SLC24A4: variants seen among roughly 807,000 people sequenced by gnomAD.
SLC24A4 encodes solute carrier family 24 member 4.
SLC24A4 carries 53 observed loss-of-function variants against 79.0 expected under a neutral mutation model. The ratio of observed to expected loss-of-function variants is 0.67; its 90% CI spans 0.54 to 0.84. SLC24A4 has a LOEUF of 0.84. Ranked by LOEUF, SLC24A4 falls within the 40% of genes least tolerant of loss-of-function variation. SLC24A4 has a pLI of 0.00. For missense variants in SLC24A4, 731 were observed against 822.0 expected, an observed-to-expected ratio of 0.89 and a Z score of 1.35; for synonymous variants, 323 against 323.8, an observed-to-expected ratio of 1.00 and a Z score of 0.03.
At chr14:92,415,068 G>A (rs1749592475) in intron 2 of SLC24A4, among the ~76,000 whole-genome samples, 4 of 152,272 alleles carry the variant, frequency 2.6e-5, no homozygotes, top group African/African-American at 9.6e-5. Flanking sequence ...GAAAGGCGAC[G>A]GTTCACCTCG....
At chr14:92,439,456 G>A in intron 4 of SLC24A4, 47 bp downstream of exon 4, 1 of 1,562,498 alleles carries the variant, frequency 6.4e-7, no homozygotes, top group Non-Finnish European at 8.8e-7. Context: ...TTGAAGACAT[G>A]TGGGACATAA....
intron 2 of SLC24A4, among the ~76,000 whole-genome samples, chr14:92,351,893 G>C (rs1381462038): frequency 7.2e-6 from 1 of 139,386 alleles, no homozygotes. Flanking sequence ...AAGAAGGAAG[G>C]AAGGAAAGGA....
At chr14:92,455,806 T>C (rs974078363) in intron 11 of SLC24A4, among the ~76,000 whole-genome samples, 10 of 152,130 alleles carry the variant, frequency 6.6e-5, no homozygotes, top group African/African-American at 2.4e-4. Context: ...GTTCAAGCGA[T>C]TCTCCTGCCT....
At chr14:92,326,389 C>T (rs1885135271) in intron 2 of SLC24A4, among the ~76,000 whole-genome samples, 1 of 152,164 alleles carries the variant, frequency 6.6e-6, no homozygotes, top group Non-Finnish European at 1.5e-5. Context: ...GGTGGCCCAC[C>T]AGGGTCTCAG....
intron 2 of SLC24A4, among the ~76,000 whole-genome samples, chr14:92,421,682 A>G (rs1891289490): frequency 6.6e-6 from 1 of 151,880 alleles, no homozygotes; most frequent in Non-Finnish European, 1.5e-5. Flanking sequence ...TAATTTTTAT[A>G]TTTTTAGTAG....
intron 2 of SLC24A4, among the ~76,000 whole-genome samples, chr14:92,429,540 G>C (rs10148398): frequency 0.03 from 4,613 of 152,292 alleles, 192 homozygotes; most frequent in African/African-American, 0.098. Context: ...CCTCTGTATG[G>C]GTGAATTCTG....
At chr14:92,340,162 T>C (rs1886043943) in intron 2 of SLC24A4, among the ~76,000 whole-genome samples, 1 of 152,226 alleles carries the variant, frequency 6.6e-6, no homozygotes, top group African/African-American at 2.4e-5. Context: ...GTGGCTGGCT[T>C]ATATTGTATA....
intron 12 of SLC24A4, among the ~76,000 whole-genome samples, chr14:92,459,558 T>C (rs893686061): frequency 3.3e-5 from 5 of 152,166 alleles, no homozygotes; most frequent in African/African-American, 1.2e-4. Flanking sequence ...ACGTTTCCTC[T>C]GTGCGAGTGT....
At chr14:92,329,140 G>A (rs946891535) in intron 2 of SLC24A4, among the ~76,000 whole-genome samples, 1 of 152,188 alleles carries the variant, frequency 6.6e-6, no homozygotes, top group African/African-American at 2.4e-5. Flanking sequence ...GAATTAGAGG[G>A]TGCCTTGTCC....
At chr14:92,326,893 G>A (rs1240023816) in intron 2 of SLC24A4, among the ~76,000 whole-genome samples, 1 of 152,178 alleles carries the variant, frequency 6.6e-6, no homozygotes, top group East Asian at 1.9e-4. Context: ...GCCTGTTGTA[G>A]GGTTGTTGGG....
intron 2 of SLC24A4, among the ~76,000 whole-genome samples, chr14:92,365,786 C>T (rs1887802509): frequency 6.6e-6 from 1 of 152,182 alleles, no homozygotes; most frequent in African/African-American, 2.4e-5. Context: ...ACTATGAATT[C>T]TTACAAGACT....
chr14:92,388,833 C>A (rs1172289503), intron 2 of SLC24A4, among the ~76,000 whole-genome samples: 7 of 152,160 alleles, frequency 4.6e-5, no homozygotes, highest in Admixed American at 4.6e-4. Context: ...AGAGTGGCCC[C>A]CAGACCAAAA....
intron 2 of SLC24A4, among the ~76,000 whole-genome samples, chr14:92,347,999 G>T (rs965950206): frequency 1.3e-5 from 2 of 152,202 alleles, no homozygotes; most frequent in African/African-American, 4.8e-5. Context: ...CTAGATATTT[G>T]ATTGGAAAAA....
rs202093565 is a variant in SLC24A4, at chr14:92,448,460, C to T, written c.738-614C>T. 2.6e-5 allele frequency among the ~76,000 whole-genome samples: 4 copies of T among 151,738 alleles called. No individual in the cohort carries two copies. In the East Asian group the frequency reaches 7.7e-4, roughly 29 times the overall value. On this transcript the variant is annotated intron_variant, in intron 9 of 16. Coordinates refer to ENST00000532405, the MANE Select transcript of SLC24A4 (RefSeq NM_153646.4). ...GATACGTAATTAAAAAGACAACACTCTGGGTTTTATGAGGATATAAATCCC... is the reference window on the plus strand; with the variant it reads ...GATACGTAATTAAAAAGACAACACTTTGGGTTTTATGAGGATATAAATCCC...
chr14:92,340,012 G>A (rs970572194), intron 2 of SLC24A4, among the ~76,000 whole-genome samples: 2 of 152,178 alleles, frequency 1.3e-5, no homozygotes, highest in Non-Finnish European at 2.9e-5. Flanking sequence ...GGCAGGTGGG[G>A]GTCATCAACC....
Position 92,343,641 on chromosome 14 carries a change from TC to T in SLC24A4, c.241+17664del, listed in dbSNP as rs1595140332. 5.2e-3 allele frequency among the ~76,000 whole-genome samples: 232 copies of T among 44,800 alleles called. 2 individuals carry two copies. Among genetic ancestry groups the T allele is most frequent in the Middle Eastern group, 0.031 (3 of 98 alleles). 29.4% of individuals were successfully genotyped at this position (44,800 alleles called of 152,430 possible). ...CTTTCTTTCTTTCTTTCTTTCTTTC[TC>T]TCTTTCCTTCTTTCCTTCCTTCCTT... is the stretch of plus-strand genomic sequence containing the variant. On this transcript the variant is annotated intron_variant, in intron 2 of 16. Transcript: ENST00000532405.
chr14:92,323,775 C>A lies in SLC24A4; in HGVS notation c.-56C>A. ...CAGCGCCGCTCGGCCACTGATTGCA[C>A]TCTGGCCGCTGAAGCTCCCCATCCT... On this transcript the variant is annotated 5_prime_UTR_variant, in exon 1 of 17. Transcript: ENST00000532405. This position sits in a 1 kb window ranked among gnomAD's most constrained non-coding sequence, Gnocchi z 4.9. 1 of 1,519,426 alleles carries A rather than the reference C, an allele frequency of 6.6e-7. No homozygotes were observed. The allele number at this position is 1,519,426 out of a possible 1,614,324, so 94.1% of individuals were successfully genotyped here. A position where few individuals can be genotyped will look rare whatever the true frequency, so the allele number is the denominator to read the frequency against.
Position 92,411,250 on chromosome 14 carries a change from T to C in SLC24A4, c.242-22662T>C, listed in dbSNP as rs116383444. 8.3e-3 allele frequency among the ~76,000 whole-genome samples: 1,262 copies of C among 152,340 alleles called. 20 individuals are homozygous for C. Among genetic ancestry groups the C allele is most frequent in the African/African-American group, 0.029 (1,194 of 41,570 alleles). On this transcript the variant is annotated intron_variant, in intron 2 of 16. Coordinates refer to ENST00000532405, the MANE Select transcript of SLC24A4 (RefSeq NM_153646.4). Reference sequence around the variant, plus strand: ...GCTCATAGTGCATGGAAACTCACCGTTGAGTTGAATATCCTGGAGCCTCTG... The same window carrying C: ...GCTCATAGTGCATGGAAACTCACCGCTGAGTTGAATATCCTGGAGCCTCTG...
In SLC24A4 at chr14:92,326,204, A is replaced by G. The variant is rs141562559; in HGVS notation, c.241+226A>G. Among the ~76,000 whole-genome samples, 54 of 152,386 alleles carry G rather than the reference A, an allele frequency of 3.5e-4. 2 individuals are homozygous for G. The East Asian group carries it at 8.1e-3, about 23-fold the overall frequency. ...CCAGCAACTGAAAAGGTCACAGTCA[A>G]GAGTTTAAAAATGTTACTTTTTGTT... On this transcript the variant is annotated intron_variant, in intron 2 of 16. Transcript: ENST00000532405.
Sources: allele counts gnomAD v4.1 joint callset (sites outside exome capture counted in the v4.1 genomes callset), GRCh38; gene constraint gnomAD v4.1.1; non-coding constraint Gnocchi (gnomAD v3.1); transcripts MANE v1.5; gene names NCBI Gene and HGNC (gene_info 2026-07-23, HGNC 2026-07-21).